Variants in FREM1 observed in about 807,000 individuals in gnomAD.
FREM1 encodes the protein FRAS1-related extracellular matrix protein 1.
FREM1 carries 220 observed loss-of-function variants against 210.1 expected under a neutral mutation model. The observed-to-expected ratio is 1.05, with a 90% confidence interval of 0.94 to 1.17. The LOEUF is 1.17. FREM1 is among the 50% of genes most tolerant of loss of function. The pLI, the probability that FREM1 is intolerant of heterozygous loss-of-function variation, is 0.00. For synonymous variants in FREM1, 1,189 were observed against 980.2 expected, an observed-to-expected ratio of 1.21 and a Z score of -3.98; for missense variants, 3,454 against 2,675.5, an observed-to-expected ratio of 1.29 and a Z score of -6.42.
intron 19 of FREM1, among the ~76,000 whole-genome samples, chr9:14,804,594 A>G (rs1345384136): frequency 2.0e-5 from 3 of 152,138 alleles, no homozygotes; most frequent in Admixed American, 1.3e-4. Flanking sequence ...CAAAAAACAA[A>G]AAACAAAAAA....
chr9:14,820,092 G>A (rs1359445152), intron 13 of FREM1, among the ~76,000 whole-genome samples: 3 of 152,210 alleles, frequency 2.0e-5, no homozygotes, highest in African/African-American at 7.2e-5. Flanking sequence ...TAAGTTAAAA[G>A]CAAGTTGAAT....
In FREM1 at chr9:14,813,055, C is replaced by A. The variant is rs749359554; in HGVS notation, c.2650G>T (p.Val884Phe). The change falls in exon 16 of 37, where the codon GTC becomes TTC. Residue 884 changes from valine (V) to phenylalanine (F), a missense_variant. Transcript: ENST00000380880. The stretch of plus-strand genomic sequence containing the variant: ...TTTAAGACTGGTGGCTCATCGTTGA[C>A]AGGGAATACCTAGGCAATGGAAAAA... ...EFVLHVEVFP[V>F]NDEPPVLKAD... The A allele has an allele frequency of 1.9e-6, 3 of 1,606,926 alleles. No homozygotes were observed. Among genetic ancestry groups the A allele is most frequent in the African/African-American group, 1.3e-5 (1 of 74,742 alleles).
At chr9:14,901,143 G>C (rs1424902892) in intron 1 of FREM1, among the ~76,000 whole-genome samples, 2 of 152,152 alleles carry the variant, frequency 1.3e-5, no homozygotes, top group Non-Finnish European at 2.9e-5. Flanking sequence ...CTTGTTTTAA[G>C]ACAAGGTAGA....
chr9:14,828,401 T>C (rs73415639), intron 10 of FREM1, among the ~76,000 whole-genome samples: 2,070 of 152,284 alleles, frequency 0.014, 46 homozygotes, highest in African/African-American at 0.048. Flanking sequence ...TGTCCCACCA[T>C]TGTATTTTAG....
At chr9:14,840,208 C>G (rs189268567) in intron 10 of FREM1, among the ~76,000 whole-genome samples, 2 of 152,134 alleles carry the variant, frequency 1.3e-5, no homozygotes, top group South Asian at 2.1e-4. Flanking sequence ...CAAATAGGAC[C>G]CTTGCTTTAA....
intron 10 of FREM1, among the ~76,000 whole-genome samples, chr9:14,838,852 G>A (rs980571007): frequency 6.6e-6 from 1 of 152,124 alleles, no homozygotes; most frequent in African/African-American, 2.4e-5. Context: ...GTAAACAGAT[G>A]CCAGAGCATG....
chr9:14,813,261 T>C (rs1044370094), intron 15 of FREM1, among the ~76,000 whole-genome samples, 197 bp from the exon 16 acceptor site: 1 of 152,188 alleles, frequency 6.6e-6, no homozygotes, highest in Non-Finnish European at 1.5e-5. Flanking sequence ...AAATGCCCCA[T>C]GTGACAGACA....
chr9:14,844,733 G>C (rs1439339314), intron 8 of FREM1, among the ~76,000 whole-genome samples: 1 of 152,218 alleles, frequency 6.6e-6, no homozygotes, highest in Non-Finnish European at 1.5e-5. Context: ...TGCTTGCACT[G>C]AGGAGTTGTA....
chr9:14,835,805 G>A (rs1172363929), intron 10 of FREM1, among the ~76,000 whole-genome samples: 2 of 152,180 alleles, frequency 1.3e-5, no homozygotes, highest in African/African-American at 4.8e-5. Flanking sequence ...AAAGTTTACT[G>A]ATAATTACTT....
chr9:14,740,684 G>A (rs8181217), intron 35 of FREM1, among the ~76,000 whole-genome samples: 10,084 of 152,162 alleles, frequency 0.066, 432 homozygotes, highest in East Asian at 0.22. Flanking sequence ...GTTTAAATTT[G>A]GAGCTTAGTG....
rs567907634 is a variant in FREM1 at position 14,838,022 on chromosome 9, G to A, written c.1881+3425C>T. Reference sequence around the variant, plus strand: ...GAGAAAAAAACCTGAGCCCCAAAGGGGTTAAATGATTTGCCCCAGGGAGCA... The same window carrying A: ...GAGAAAAAAACCTGAGCCCCAAAGGAGTTAAATGATTTGCCCCAGGGAGCA... On this transcript the variant is annotated intron_variant, in intron 10 of 36. Coordinates refer to ENST00000380880, the MANE Select transcript of FREM1 (RefSeq NM_001379081.2). 2.0e-4 allele frequency among the ~76,000 whole-genome samples: 30 copies of A among 152,280 alleles called. No individual in the cohort carries two copies. The South Asian group carries it at 4.6e-3, about 23-fold the overall frequency.
At chr9:14,901,940 C>T (rs952226832) in intron 1 of FREM1, among the ~76,000 whole-genome samples, 1 of 151,804 alleles carries the variant, frequency 6.6e-6, no homozygotes, top group African/African-American at 2.4e-5. Context: ...CAGCCTTGAC[C>T]ACTGGGTCTC....
chr9:14,812,907 T>G lies in FREM1; in HGVS notation c.2798A>C (p.Glu933Ala). The change falls in exon 16 of 37, where the codon GAA (glutamate) becomes GCA (alanine). Residue 933 changes from glutamate to alanine, a missense_variant. Transcript: ENST00000380880. Reference protein sequence around the residue: ...NLKLMFVIAREPQHGVVRRAG... With the variant: ...NLKLMFVIARAPQHGVVRRAG... ...TCTCCTCACCACCCCATGCTGAGGT[T>G]CGCGAGCAATCACAAACATCAACTT... The G allele has an allele frequency of 6.2e-7, 1 of 1,613,908 alleles. No homozygotes were observed. Among genetic ancestry groups the G allele is most frequent in the Non-Finnish European group, 8.5e-7 (1 of 1,179,852 alleles).
chr9:14,737,421 T>C lies in FREM1; in HGVS notation c.6515A>G (p.Asn2172Ser), dbSNP rs1840583160. 2 of 1,613,784 alleles carry C rather than the reference T, an allele frequency of 1.2e-6. No individual in the cohort carries two copies. The highest frequency in any genetic ancestry group is 1.7e-6 in the Non-Finnish European group (2 of 1,179,788). Reference protein sequence around the residue: ...TKDCRRAKPHNYVCSRKL With the variant: ...TKDCRRAKPHSYVCSRKL ...TTAGAGTTTTCTGGAACACACATAA[T>C]TATGAGGTTTGGCTCTCCTACAGTC... The change falls in exon 37 of 37, where the codon AAT (asparagine) becomes AGT (serine). Residue 2172 changes from asparagine (N) to serine (S), a missense_variant. Coordinates refer to ENST00000380880, the MANE Select transcript of FREM1 (RefSeq NM_001379081.2).
At chr9:14,739,656 C>T (rs936219617) in intron 36 of FREM1, among the ~76,000 whole-genome samples, 5 of 150,564 alleles carry the variant, frequency 3.3e-5, no homozygotes, top group African/African-American at 9.7e-5. Context: ...CCTGCATTTT[C>T]ACTTTGCACC....
intron 29 of FREM1, among the ~76,000 whole-genome samples, chr9:14,752,189 C>T (rs1161936689): frequency 1.3e-5 from 2 of 151,510 alleles, no homozygotes; most frequent in African/African-American, 4.9e-5. Flanking sequence ...AGAAGCAAAA[C>T]CAGAAAAGTC....
At position 14,747,742 on chromosome 9, in the gene FREM1, A is replaced by C; in HGVS notation, c.5797-14T>G. On this transcript the variant is annotated splice_polypyrimidine_tract_variant and intron_variant, in intron 31 of 36. Transcript: ENST00000380880. The stretch of plus-strand genomic sequence containing the variant: ...GGATGGACGAACCTGAAATTGACAG[A>C]GAACAAAATATGAACAGAATTGGAT... The C allele has an allele frequency of 6.6e-7, 1 of 1,512,092 alleles. No individual in the cohort carries two copies. Among genetic ancestry groups the C allele is most frequent in the Non-Finnish European group, 9.0e-7 (1 of 1,115,566 alleles). The allele number at this position is 1,512,092 out of a possible 1,614,324, so 93.7% of individuals were successfully genotyped here. A position where few individuals can be genotyped will look rare whatever the true frequency, so the allele number is the denominator to read the frequency against.
At chr9:14,893,653 G>T (rs1837242666) in intron 1 of FREM1, among the ~76,000 whole-genome samples, 1 of 151,382 alleles carries the variant, frequency 6.6e-6, no homozygotes, top group Admixed American at 6.5e-5. Flanking sequence ...TAGTTTGTGT[G>T]ACTTAATTAA....
At chr9:14,773,559 T>C (rs192261228) in intron 25 of FREM1, among the ~76,000 whole-genome samples, 470 of 151,646 alleles carry the variant, frequency 3.1e-3, no homozygotes, top group Non-Finnish European at 4.8e-3. Context: ...TGGGGAATTA[T>C]GGGAGGAATT....
Sources: gnomAD v4.1 joint callset for allele counts (sites outside exome capture counted in the v4.1 genomes callset) on GRCh38, gnomAD v4.1.1 for gene constraint, MANE v1.5 for transcripts, NCBI Gene and HGNC (gene_info 2026-07-23, HGNC 2026-07-21) for gene names.